Variants in KSR2 observed in about 807,000 individuals in gnomAD.
The protein encoded by KSR2 is kinase suppressor of ras 2.
In KSR2, 25 loss-of-function variants were observed where a neutral mutation model predicts 107.8. The observed-to-expected ratio is 0.23, with a 90% CI of 0.17 to 0.32. The LOEUF is 0.32. Among genes scored for constraint, KSR2 ranks in the 10% least tolerant of loss-of-function variants. The pLI is 1.00. For missense variants in KSR2, 887 were observed against 1,268.9 expected (o/e 0.70, Z 4.57); for synonymous variants, 480 against 507.0 (o/e 0.95, Z 0.71).
At chr12:117,772,357 G>A (rs1320344502) in intron 3 of KSR2, among the ~76,000 whole-genome samples, 7 of 91,524 alleles carry the variant, frequency 7.6e-5, no homozygotes, top group African/African-American at 2.3e-4. Context: ...CCCCAAAGAC[G>A]CACACACACT....
intron 14 of KSR2, among the ~76,000 whole-genome samples, chr12:117,492,230 G>A (rs1377654962): frequency 6.6e-6 from 1 of 152,202 alleles, no homozygotes; most frequent in East Asian, 1.9e-4. Context: ...GTGGGTACAA[G>A]ATGTTTATTA....
rs563701054 is a variant in KSR2 at position 117,896,451 on chromosome 12, G to A, written c.181-36020C>T. On this transcript the variant is annotated intron_variant, in intron 1 of 19. Transcript: ENST00000339824. ...ATGTTCCAGAATTAGTGGTGGTTTC[G>A]CACAACATTTTTTTTTTTTTTTTTT... Among the ~76,000 whole-genome samples the A allele has an allele frequency of 1.0e-3, 150 of 149,778 alleles. 1 individual carries two copies. Among genetic ancestry groups the A allele is most frequent in the African/African-American group, 3.5e-3 (139 of 40,286 alleles).
chr12:117,658,228 T>C (rs1884269908), intron 5 of KSR2, among the ~76,000 whole-genome samples: 1 of 152,244 alleles, frequency 6.6e-6, no homozygotes, highest in South Asian at 2.1e-4. Flanking sequence ...TGGGAGACTG[T>C]GGTAGAATCT....
At chr12:117,833,864 G>A (rs1022180979) in intron 3 of KSR2, among the ~76,000 whole-genome samples, 3 of 151,864 alleles carry the variant, frequency 2.0e-5, no homozygotes, top group Non-Finnish European at 4.4e-5. Context: ...TCTTAGAACC[G>A]GCAACACCTG....
intron 10 of KSR2, 148 bp from the exon 11 acceptor site, chr12:117,531,855 G>T: frequency 3.6e-6 from 2 of 561,690 alleles, no homozygotes; most frequent in Non-Finnish European, 6.1e-6. Context: ...GCAGACAAGG[G>T]ACTGCAAACA....
intron 1 of KSR2, among the ~76,000 whole-genome samples, chr12:117,914,076 C>T (rs917673677): frequency 2.0e-5 from 3 of 152,134 alleles, no homozygotes; most frequent in African/African-American, 7.2e-5. Flanking sequence ...ATCCAGTTTC[C>T]CGTCTGAAAA....
chr12:117,821,449 T>G (rs1024486592), intron 3 of KSR2, among the ~76,000 whole-genome samples: 3 of 152,234 alleles, frequency 2.0e-5, no homozygotes, highest in Non-Finnish European at 4.4e-5. Flanking sequence ...ATGATTTTCT[T>G]AATAACATTT....
intron 4 of KSR2, among the ~76,000 whole-genome samples, chr12:117,751,417 T>C (rs927550765): frequency 3.9e-5 from 6 of 152,212 alleles, no homozygotes; most frequent in Non-Finnish European, 7.3e-5. Flanking sequence ...AATTTAACCC[T>C]GGGTTAACTT....
Position 117,944,734 on chromosome 12 carries a change from C to T in KSR2, c.180+23342G>A, listed in dbSNP as rs546747845. ...TTAGCCGAGGGTGGTAGCACACGCCCGTAGTCCCAGCTACTCAGAAGGCTG... is the reference window on the plus strand; with the variant it reads ...TTAGCCGAGGGTGGTAGCACACGCCTGTAGTCCCAGCTACTCAGAAGGCTG... On this transcript the variant is annotated intron_variant, in intron 1 of 19. Coordinates refer to ENST00000339824, the MANE Select transcript of KSR2 (RefSeq NM_173598.6). Among the ~76,000 whole-genome samples the T allele has an allele frequency of 1.9e-4, 29 of 151,582 alleles. No homozygotes were observed. In the South Asian group the frequency reaches 4.6e-3, roughly 24 times the overall value.
intron 1 of KSR2, among the ~76,000 whole-genome samples, chr12:117,964,320 G>C (rs1406153494): frequency 1.3e-5 from 2 of 152,186 alleles, no homozygotes; most frequent in African/African-American, 4.8e-5. Context: ...TAAAGGCTCT[G>C]AGAAAAGTCC....
chr12:117,965,080 C>G (rs1566103301), intron 1 of KSR2, among the ~76,000 whole-genome samples: 1 of 152,188 alleles, frequency 6.6e-6, no homozygotes, highest in Non-Finnish European at 1.5e-5. Context: ...AGCTAGGACT[C>G]AGTTCTGGCC....
intron 3 of KSR2, among the ~76,000 whole-genome samples, chr12:117,833,389 G>T (rs1204882660): frequency 1.3e-5 from 2 of 152,070 alleles, no homozygotes; most frequent in African/African-American, 2.4e-5. Flanking sequence ...TAGAGACAGG[G>T]TCCTGCTCCG....
intron 5 of KSR2, among the ~76,000 whole-genome samples, chr12:117,662,251 T>C (rs1884464843): frequency 6.6e-6 from 1 of 152,186 alleles, no homozygotes; most frequent in Non-Finnish European, 1.5e-5. Context: ...GACAAGACTG[T>C]GGTTCAGCCA....
intron 4 of KSR2, among the ~76,000 whole-genome samples, chr12:117,748,974 T>C (rs902384644): frequency 1.3e-5 from 2 of 151,298 alleles, no homozygotes; most frequent in African/African-American, 4.9e-5. Flanking sequence ...AGGAGGGGTA[T>C]AGAACGCACA....
intron 5 of KSR2, among the ~76,000 whole-genome samples, chr12:117,616,889 C>T (rs893326006): frequency 6.6e-6 from 1 of 152,176 alleles, no homozygotes; most frequent in African/African-American, 2.4e-5. Flanking sequence ...TTCCTTCTCT[C>T]CTTGCTTTCT....
Position 117,632,974 on chromosome 12 carries a change from A to G in KSR2, c.1171+34500T>C, listed in dbSNP as rs1882881250. Among the ~76,000 whole-genome samples, 3 of 152,182 alleles carry G rather than the reference A, an allele frequency of 2.0e-5. No homozygotes were observed. The South Asian group carries it at 6.2e-4, about 32-fold the overall frequency. On this transcript the variant is annotated intron_variant, in intron 5 of 19. Coordinates refer to ENST00000339824, the MANE Select transcript of KSR2 (RefSeq NM_173598.6). ...TTGAGGTGGATTCCATGTCTTTGCT[A>G]TTGTGAATAGTGCTGTAATGAACTG...
chr12:117,604,564 A>C (rs1015895332), intron 5 of KSR2, among the ~76,000 whole-genome samples: 1 of 152,166 alleles, frequency 6.6e-6, no homozygotes, highest in African/African-American at 2.4e-5. Flanking sequence ...AGAAAAATGA[A>C]ACAGACAAGT....
rs545456495 is a variant in KSR2, at chr12:117,880,713, C to CT, written c.181-20283dup. 5.1e-3 allele frequency among the ~76,000 whole-genome samples: 598 copies of CT among 116,676 alleles called. 2 individuals carry two copies. Among genetic ancestry groups the CT allele is most frequent in the Non-Finnish European group, 7.6e-3 (441 of 57,974 alleles). The allele number at this position is 116,676 out of a possible 152,430, so 76.5% of individuals were successfully genotyped here. ...TTTTATGACAGAATTTTGCCAGATT[C>CT]TTTTTTTTTTTTTTTTTTTTTTCTG... On this transcript the variant is annotated intron_variant, in intron 1 of 19. Transcript: ENST00000339824.
At chr12:117,657,723 G>A (rs1411307992) in intron 5 of KSR2, among the ~76,000 whole-genome samples, 1 of 152,184 alleles carries the variant, frequency 6.6e-6, no homozygotes, top group Non-Finnish European at 1.5e-5. Context: ...TTGCCATCTA[G>A]GTCCTGAGTA....
Sources: allele counts gnomAD v4.1 joint callset (sites outside exome capture counted in the v4.1 genomes callset), GRCh38; gene constraint gnomAD v4.1.1; transcripts MANE v1.5; gene names NCBI Gene and HGNC (gene_info 2026-07-23, HGNC 2026-07-21).